Variants in GALNT13 observed in about 807,000 individuals in gnomAD.
GALNT13 encodes UDP-GalNAc:polypeptide N-acetylgalactosaminyltransferase 13.
In GALNT13, 28 loss-of-function variants were observed where a neutral mutation model predicts 64.2. The ratio of observed to expected loss-of-function variants is 0.44; its 90% CI spans 0.32 to 0.60. GALNT13 has a LOEUF of 0.60. GALNT13 is among the 20% of genes least tolerant of loss of function. The pLI is 0.05. For synonymous variants in GALNT13, 214 were observed against 224.6 expected, an observed-to-expected ratio of 0.95 and a Z score of 0.42; for missense variants, 577 against 669.8, an observed-to-expected ratio of 0.86 and a Z score of 1.53.
At chr2:153,272,088 C>T in the GALNT13 span, among the ~76,000 whole-genome samples, 1 of 152,200 alleles carries the variant, frequency 6.6e-6, no homozygotes, top group African/African-American at 2.4e-5. Flanking sequence ...AACCGGACCC[C>T]TTTTCTACAC....
the GALNT13 span, among the ~76,000 whole-genome samples, chr2:153,627,204 C>T: frequency 1.3e-5 from 2 of 152,024 alleles, no homozygotes; most frequent in African/African-American, 4.8e-5. Flanking sequence ...TGGAAAAAGC[C>T]TTTGTCCTTA....
intron 9 of GALNT13, among the ~76,000 whole-genome samples, chr2:154,302,616 A>G (rs1033503317): frequency 5.3e-5 from 8 of 152,218 alleles, no homozygotes; most frequent in African/African-American, 1.9e-4. Context: ...CAGTCTGGAG[A>G]GTTCCAGAGA....
At chr2:153,520,358 T>C in the GALNT13 span, among the ~76,000 whole-genome samples, 1 of 152,118 alleles carries the variant, frequency 6.6e-6, no homozygotes, top group Non-Finnish European at 1.5e-5. Flanking sequence ...AGGGCATCAT[T>C]TGAGGTTCAT....
chr2:154,132,151 A>G (rs1245795364), intron 3 of GALNT13, among the ~76,000 whole-genome samples: 1 of 152,170 alleles, frequency 6.6e-6, no homozygotes, highest in Non-Finnish European at 1.5e-5. Context: ...ACCCTCACAG[A>G]CACACCCAGG....
the GALNT13 span, among the ~76,000 whole-genome samples, chr2:153,758,717 C>T: frequency 1.3e-5 from 2 of 152,170 alleles, no homozygotes; most frequent in East Asian, 3.9e-4. Context: ...CTCAGTGTCC[C>T]AGGTAGCTGG....
intron 9 of GALNT13, among the ~76,000 whole-genome samples, chr2:154,332,143 T>C: frequency 6.6e-6 from 1 of 152,128 alleles, no homozygotes; most frequent in Admixed American, 6.6e-5. Context: ...TTATATACCC[T>C]TATGACCTTG....
At chr2:153,172,073 A>G in the GALNT13 span, 1 of 152,280 alleles carries the variant, frequency 6.6e-6, no homozygotes, top group Non-Finnish European at 1.5e-5. Context: ...AGAGGCAGAG[A>G]TGAGAAGTGA....
chr2:153,080,710 T>A, the GALNT13 span, among the ~76,000 whole-genome samples: 12 of 152,218 alleles, frequency 7.9e-5, no homozygotes, highest in South Asian at 4.1e-4. Flanking sequence ...TTAGGAGAGG[T>A]GTGTTAAATT....
chr2:153,168,079 T>A, the GALNT13 span, among the ~76,000 whole-genome samples: 418 of 152,304 alleles, frequency 2.7e-3, 4 homozygotes, highest in African/African-American at 9.4e-3. Flanking sequence ...CATTTCTCTC[T>A]TTGGAGATCC....
intron 9 of GALNT13, among the ~76,000 whole-genome samples, chr2:154,374,289 A>G (rs1194901103): frequency 6.6e-6 from 1 of 152,234 alleles, no homozygotes; most frequent in Non-Finnish European, 1.5e-5. Flanking sequence ...AGGAATACTT[A>G]TTAATCTGGA....
chr2:153,785,030 G>A, the GALNT13 span, among the ~76,000 whole-genome samples: 1 of 152,058 alleles, frequency 6.6e-6, no homozygotes, highest in Non-Finnish European at 1.5e-5. Context: ...CTGAGGTGAG[G>A]TCTACAACCA....
chr2:153,345,670 T>TCTTTCTTTCTTTCTTTCTTC, the GALNT13 span, among the ~76,000 whole-genome samples: 9 of 144,010 alleles, frequency 6.2e-5, no homozygotes, highest in African/African-American at 2.4e-4. Flanking sequence ...TTTCTTTCTT[T>TCTTTCTTTCTTTCTTTCTTC]CTTTCTTTCT....
chr2:153,672,405 A>G, the GALNT13 span, among the ~76,000 whole-genome samples: 2 of 152,230 alleles, frequency 1.3e-5, no homozygotes, highest in African/African-American at 4.8e-5. Flanking sequence ...AACTCACTCA[A>G]AACTATACAA....
chr2:153,654,339 A>C, the GALNT13 span, among the ~76,000 whole-genome samples: 1 of 152,212 alleles, frequency 6.6e-6, no homozygotes, highest in South Asian at 2.1e-4. Context: ...CAAATCAACT[A>C]TATAGAAAAA....
At chr2:153,734,741 C>T in the GALNT13 span, among the ~76,000 whole-genome samples, 2 of 152,152 alleles carry the variant, frequency 1.3e-5, no homozygotes, top group African/African-American at 4.8e-5. Flanking sequence ...CAAGTGTATC[C>T]TGTGCTACTT....
rs188094432 is a variant in GALNT13 at position 154,133,606 on chromosome 2, G to A, written c.143-6731G>A. 6.3e-3 allele frequency among the ~76,000 whole-genome samples: 775 copies of A among 123,652 alleles called. 10 individuals carry two copies. The highest frequency in any genetic ancestry group is 0.024 in the African/African-American group (748 of 31,306). The allele number at this position is 123,652 out of a possible 152,430, so 81.1% of individuals were successfully genotyped here. On this transcript the variant is annotated intron_variant, in intron 3 of 12. Coordinates refer to ENST00000392825, the MANE Select transcript of GALNT13 (RefSeq NM_052917.4). ...TATATCTGAGATGGGGAAAACCCAC[G>A]TTAAAAACCTCTATTCTAATTACTT...
chr2:153,508,410 G>C, the GALNT13 span, among the ~76,000 whole-genome samples: 3 of 152,124 alleles, frequency 2.0e-5, no homozygotes, highest in African/African-American at 2.4e-5. Context: ...ATGGTGGTGT[G>C]GTTGGTTCCT....
chr2:153,955,120 GT>G (rs1692473047), intron 3 of GALNT13, among the ~76,000 whole-genome samples: 1 of 152,142 alleles, frequency 6.6e-6, no homozygotes, highest in South Asian at 2.1e-4. Flanking sequence ...TTAGATTGCA[GT>G]TTTTCTCAGC....
chr2:154,255,417 T>C (rs1284138780), intron 7 of GALNT13, among the ~76,000 whole-genome samples: 1 of 152,098 alleles, frequency 6.6e-6, no homozygotes, highest in Non-Finnish European at 1.5e-5. Context: ...GGAATGAAAA[T>C]GTTTTTTGGT....
Sources: gnomAD v4.1 joint callset for allele counts (sites outside exome capture counted in the v4.1 genomes callset) on GRCh38, gnomAD v4.1.1 for gene constraint, MANE v1.5 for transcripts, NCBI Gene and HGNC (gene_info 2026-07-23, HGNC 2026-07-21) for gene names.